The following OR9Q1 variants were observed in gnomAD, a reference collection of about 807,000 sequenced individuals.
OR9Q1 encodes olfactory receptor 9Q1.
For missense variants in OR9Q1, 374 were observed against 378.8 expected, an observed-to-expected ratio of 0.99 and a Z score of 0.11; for synonymous variants, 153 against 148.6, an observed-to-expected ratio of 1.03 and a Z score of -0.22.
At chr11:58,129,815 C>T (rs1590606783) in intron 2 of OR9Q1, among the ~76,000 whole-genome samples, 1 of 152,002 alleles carries the variant, frequency 6.6e-6, no homozygotes, top group South Asian at 2.1e-4. Flanking sequence ...TCTGTTGCTG[C>T]CTATTAGAAT....
chr11:58,142,095 A>G (rs1049767592), intron 2 of OR9Q1, among the ~76,000 whole-genome samples: 1 of 152,078 alleles, frequency 6.6e-6, no homozygotes, highest in African/African-American at 2.4e-5. Flanking sequence ...CTGAAATGTC[A>G]CCTTTTCAGT....
chr11:58,104,532 G>A (rs1454452702), intron 2 of OR9Q1, among the ~76,000 whole-genome samples: 1 of 152,126 alleles, frequency 6.6e-6, no homozygotes, highest in Non-Finnish European at 1.5e-5. Flanking sequence ...TATGGGAGGA[G>A]TGATTTGTAG....
chr11:58,118,626 G>A (rs981166685), intron 2 of OR9Q1: 63 of 1,613,834 alleles, frequency 3.9e-5, no homozygotes, highest in Non-Finnish European at 4.9e-5. Context: ...AGACAGACAC[G>A]ACTTTGTCTT....
chr11:58,062,504 G>A (rs531515555), intron 2 of OR9Q1, among the ~76,000 whole-genome samples: 23 of 152,192 alleles, frequency 1.5e-4, no homozygotes, highest in East Asian at 3.9e-4. Context: ...ATCTAAATTC[G>A]TTTTCCTAAG....
chr11:58,083,608 C>T (rs1023252056), intron 2 of OR9Q1, among the ~76,000 whole-genome samples: 6 of 149,262 alleles, frequency 4.0e-5, no homozygotes, highest in Non-Finnish European at 7.4e-5. Context: ...ACATTTAAGT[C>T]TTTAATCCAT....
chr11:58,042,481 C>G (rs1016190191), intron 1 of OR9Q1, among the ~76,000 whole-genome samples: 2 of 151,684 alleles, frequency 1.3e-5, no homozygotes, highest in Admixed American at 6.6e-5. Context: ...TTTCTGATGG[C>G]TCTGTTCCGT....
At chr11:58,055,220 T>A (rs1275329568) in intron 1 of OR9Q1, among the ~76,000 whole-genome samples, 2 of 152,084 alleles carry the variant, frequency 1.3e-5, no homozygotes, top group Non-Finnish European at 2.9e-5. Context: ...CATTAATACA[T>A]AAAAGTGCTT....
intron 1 of OR9Q1, among the ~76,000 whole-genome samples, chr11:58,054,733 G>T (rs1353029681): frequency 6.6e-6 from 1 of 152,130 alleles, no homozygotes; most frequent in Non-Finnish European, 1.5e-5. Flanking sequence ...AGACCAGCCT[G>T]GGCAACATGG....
chr11:58,118,735 G>A, intron 2 of OR9Q1: 2 of 1,614,080 alleles, frequency 1.2e-6, no homozygotes, highest in Non-Finnish European at 1.7e-6. Flanking sequence ...TGTGGAGAAA[G>A]TCTTGGCCCT....
chr11:58,179,658 T>C lies in OR9Q1; in HGVS notation c.214T>C (p.Cys72Arg), dbSNP rs1332938505. The C allele has an allele frequency of 6.2e-7, 1 of 1,613,648 alleles. No individual in the cohort carries two copies. ...GAGTCACCTCGCTTTCATGGACGTC[T>C]GCTACTCATCTATCACTGTCCCCCA... ...LLSHLAFMDVCYSSITVPQML... is the reference protein window; with the variant it reads ...LLSHLAFMDVRYSSITVPQML... Residue 72 changes from cysteine (C) to arginine (R), a missense_variant, in exon 3 of 3, where the codon TGC (cysteine) becomes CGC (arginine). Cys to Arg is a radical substitution (Grantham distance 180). Coordinates refer to ENST00000335397, the MANE Select transcript of OR9Q1 (RefSeq NM_001005212.4).
intron 2 of OR9Q1, among the ~76,000 whole-genome samples, chr11:58,153,923 T>C (rs1426575826): frequency 6.6e-6 from 1 of 152,204 alleles, no homozygotes; most frequent in African/African-American, 2.4e-5. Context: ...TACTCTGCTC[T>C]GTACAACCTA....
chr11:58,031,510 A>G (rs748995189), intron 1 of OR9Q1: 150 of 1,613,740 alleles, frequency 9.3e-5, no homozygotes, highest in Non-Finnish European at 1.3e-4. Flanking sequence ...GTGATGCCTC[A>G]CCCTTGCTAG....
intron 2 of OR9Q1, among the ~76,000 whole-genome samples, chr11:58,140,858 A>G (rs1590611815): frequency 1.3e-5 from 2 of 152,186 alleles, no homozygotes; most frequent in Admixed American, 1.3e-4. Context: ...ATGGCATTGA[A>G]TCTATAAATG....
At chr11:58,054,915 C>T (rs1322797543) in intron 1 of OR9Q1, among the ~76,000 whole-genome samples, 1 of 152,190 alleles carries the variant, frequency 6.6e-6, no homozygotes, top group East Asian at 1.9e-4. Context: ...CAGAGCAAGA[C>T]TTTGTCTCAA....
chr11:58,042,709 G>A (rs1376032665), intron 1 of OR9Q1, among the ~76,000 whole-genome samples: 1 of 152,074 alleles, frequency 6.6e-6, no homozygotes, highest in African/African-American at 2.4e-5. Flanking sequence ...TGATGGGGAT[G>A]GCATTGAATC....
intron 2 of OR9Q1, among the ~76,000 whole-genome samples, chr11:58,147,563 T>C (rs1854310522): frequency 6.6e-6 from 1 of 152,204 alleles, no homozygotes; most frequent in Non-Finnish European, 1.5e-5. Flanking sequence ...GTTTCTACTT[T>C]GTGAGTGGCA....
chr11:58,137,894 TTCATAGATACTCTTTTCCTCTG>T (rs1485432735), intron 2 of OR9Q1, among the ~76,000 whole-genome samples: 2 of 152,210 alleles, frequency 1.3e-5, no homozygotes, highest in Non-Finnish European at 2.9e-5. Context: ...GTCATTAATA[TTCATAGATACTCTTTTCCTCTG>T]TCATTAGACT....
At chr11:58,115,214 T>G (rs367736572) in intron 2 of OR9Q1, among the ~76,000 whole-genome samples, 1 of 152,186 alleles carries the variant, frequency 6.6e-6, no homozygotes, top group African/African-American at 2.4e-5. Flanking sequence ...CAATAACATA[T>G]GTATTGATAT....
intron 2 of OR9Q1, among the ~76,000 whole-genome samples, chr11:58,173,340 T>C (rs1231273874): frequency 7.5e-6 from 1 of 134,042 alleles, no homozygotes; most frequent in South Asian, 2.4e-4. Flanking sequence ...CCTGTGTCCA[T>C]GTGTTCTCGT....
Sources: allele counts gnomAD v4.1 joint callset (sites outside exome capture counted in the v4.1 genomes callset), GRCh38; gene constraint gnomAD v4.1.1; transcripts MANE v1.5; gene names NCBI Gene and HGNC (gene_info 2026-07-23, HGNC 2026-07-21).